The following SMC2 variants were observed in gnomAD, a reference collection of about 807,000 sequenced individuals.
SMC2 encodes structural maintenance of chromosomes 2.
In SMC2, 41 loss-of-function variants were observed where a neutral mutation model predicts 142.6. That is an observed-to-expected ratio of 0.29 (90% CI 0.22 to 0.37). The LOEUF (loss-of-function observed/expected upper bound fraction) is 0.37, where lower values mean the gene tolerates loss of function less well. Ranked by LOEUF, SMC2 falls within the 10% of genes least tolerant of loss-of-function variation. The pLI is 1.00. For synonymous variants in SMC2, 463 were observed against 457.5 expected, an observed-to-expected ratio of 1.01 and a Z score of -0.15; for missense variants, 1,265 against 1,373.7, an observed-to-expected ratio of 0.92 and a Z score of 1.25.
At chr9:104,124,376 C>T (rs1163902093) in intron 17 of SMC2, among the ~76,000 whole-genome samples, 1 of 152,124 alleles carries the variant, frequency 6.6e-6, no homozygotes, top group Non-Finnish European at 1.5e-5. Flanking sequence ...CATGAACTAC[C>T]ACGCCTGACC....
At chr9:104,138,572 A>G (rs918060575) in intron 24 of SMC2, among the ~76,000 whole-genome samples, 3 of 150,366 alleles carry the variant, frequency 2.0e-5, no homozygotes, top group African/African-American at 7.6e-5. Flanking sequence ...TAAAAAGTAG[A>G]ACAAAGAAAG....
At position 104,124,782 on chromosome 9, in the gene SMC2, A is replaced by G. The variant is rs934668569; in HGVS notation, c.2258-130A>G. The stretch of plus-strand genomic sequence containing the variant: ...TGTGTTTCATTATACCATTTCTAGA[A>G]TATCATTGGGATAGTTAATTTTCTT... On this transcript the variant is annotated intron_variant, in intron 17 of 24. Coordinates refer to ENST00000374793, the MANE Select transcript of SMC2 (RefSeq NM_006444.3). 6.4e-6 allele frequency: 4 copies of G among 621,974 alleles called. No individual in the cohort carries two copies. In the African/African-American group the frequency reaches 7.7e-5, roughly 12 times the overall value. 38.5% of individuals were successfully genotyped at this position (621,974 alleles called of 1,614,324 possible).
chr9:104,097,405 C>T (rs991297131), intron 3 of SMC2, among the ~76,000 whole-genome samples: 1 of 113,198 alleles, frequency 8.8e-6, no homozygotes, highest in Non-Finnish European at 1.9e-5. Flanking sequence ...GGCGCCTGGC[C>T]CAAGATTTTG....
intron 17 of SMC2, 62 bp from the exon 18 acceptor site, chr9:104,124,850 A>T: frequency 2.3e-6 from 3 of 1,288,624 alleles, no homozygotes; most frequent in Non-Finnish European, 2.2e-6. Flanking sequence ...TTCTATTAAA[A>T]GTTGAATTTG....
At chr9:104,088,269 T>G in the SMC2 span, among the ~76,000 whole-genome samples, 1 of 152,156 alleles carries the variant, frequency 6.6e-6, no homozygotes, top group Non-Finnish European at 1.5e-5. Flanking sequence ...TTTTTCTTTT[T>G]TAAACTATTC....
At position 104,120,229 on chromosome 9, in the gene SMC2, T is replaced by C. The variant is rs7873786; in HGVS notation, c.2132+67T>C. On this transcript the variant is annotated intron_variant, in intron 16 of 24. Transcript: ENST00000374793. ...GTAGAAAATGATAGAAAATTTACTT[T>C]TATTTCAAGAAATACAGCTTCTGAC... The C allele has an allele frequency of 0.017, 23,362 of 1,394,022 alleles. 1,184 individuals are homozygous for C. In the African/African-American group the frequency reaches 0.18, roughly 11 times the overall value. The allele number at this position is 1,394,022 out of a possible 1,614,324, so 86.4% of individuals were successfully genotyped here.
At chr9:104,134,604 T>TATAATC in intron 23 of SMC2, 29 bp downstream of exon 23, 3 of 1,453,174 alleles carry the variant, frequency 2.1e-6, no homozygotes, top group Non-Finnish European at 1.9e-6. Context: ...ATATTATAAT[T>TATAATC]TTCATTCCTC....
At chr9:104,106,110 G>A (rs1335066653) in intron 9 of SMC2, among the ~76,000 whole-genome samples, 3 of 152,162 alleles carry the variant, frequency 2.0e-5, no homozygotes, top group African/African-American at 7.2e-5. Context: ...ATATCCTTCA[G>A]TGACTTTATG....
intron 4 of SMC2, among the ~76,000 whole-genome samples, chr9:104,098,790 T>C (rs915303540): frequency 6.6e-6 from 1 of 152,084 alleles, no homozygotes; most frequent in Non-Finnish European, 1.5e-5. Flanking sequence ...GAAGTAATTT[T>C]TGTTGACTTT....
At chr9:104,108,561 T>G (rs1161167246) in intron 9 of SMC2, among the ~76,000 whole-genome samples, 3 of 152,208 alleles carry the variant, frequency 2.0e-5, no homozygotes, top group Admixed American at 1.3e-4. Context: ...TCCCGAGCTC[T>G]CTGGCGCTGG....
intron 14 of SMC2, 50 bp downstream of exon 14, chr9:104,116,369 T>TTTTAAGTTAGAAGACATTA: frequency 6.6e-7 from 1 of 1,520,356 alleles, no homozygotes; most frequent in South Asian, 1.3e-5. Flanking sequence ...TCTGTGGTTT[T>TTTTAAGTTAGAAGACATTA]TTTAAGTTAG....
intron 5 of SMC2, 24 bp downstream of exon 5, chr9:104,099,706 T>TA: frequency 7.3e-7 from 1 of 1,373,394 alleles, no homozygotes; most frequent in Non-Finnish European, 1.0e-6. Flanking sequence ...TTATGGACAT[T>TA]AAAAATAGTT....
Position 104,140,432 on chromosome 9 carries a change from A to C in SMC2, c.*1117A>C, listed in dbSNP as rs889244867. On this transcript the variant is annotated 3_prime_UTR_variant, in exon 25 of 25. Coordinates refer to ENST00000374793, the MANE Select transcript of SMC2 (RefSeq NM_006444.3). ...ATCATGAAAGGTCTGACATGATGTA[A>C]TCTGATCTTCCATGTGTTATTTTGG... 6.6e-6 allele frequency: 1 copy of C among 152,090 alleles called. No individual in the cohort carries two copies. Among genetic ancestry groups the C allele is most frequent in the African/African-American group, 2.4e-5 (1 of 41,426 alleles). The allele number at this position is 152,090 out of a possible 1,614,324, so 9.4% of individuals were successfully genotyped here. A position where few individuals can be genotyped will look rare whatever the true frequency, so the allele number is the denominator to read the frequency against.
chr9:104,100,488 T>C, intron 7 of SMC2, 55 bp downstream of exon 7: 1 of 1,163,582 alleles, frequency 8.6e-7, no homozygotes, highest in Non-Finnish European at 1.3e-6. Context: ...AAGTCAGCAA[T>C]GTATCCAAAA....
Position 104,126,677 on chromosome 9 carries a change from A to G in SMC2, c.2488A>G (p.Lys830Glu), listed in dbSNP as rs1432383562. 5 of 1,611,908 alleles carry G rather than the reference A, an allele frequency of 3.1e-6. No homozygotes were observed. In the Admixed American group the frequency reaches 8.4e-5, roughly 27 times the overall value. The change falls in exon 19 of 25, where the codon AAG becomes GAG. Residue 830 changes from lysine to glutamate, a missense_variant. Transcript: ENST00000374793. ...TATCACTCTGGAACTGGAAGAGCTC[A>G]AGAGAGAGCATACATCTTACAAACA... Reference protein sequence around the residue: ...EAITLELEELKREHTSYKQQL... With the variant: ...EAITLELEELEREHTSYKQQL...
rs746145829 is a variant in SMC2, at chr9:104,102,589, G to A, written c.1020+16G>A. Reference sequence around the variant, plus strand: ...TATGGTTGAGGTAAGTGAGCTTAATGTGCCACTAGTGCCACTTGTAGACAA... The same window carrying A: ...TATGGTTGAGGTAAGTGAGCTTAATATGCCACTAGTGCCACTTGTAGACAA... On this transcript the variant is annotated intron_variant, in intron 9 of 24. Transcript: ENST00000374793. 3 of 1,606,994 alleles carry A rather than the reference G, an allele frequency of 1.9e-6. No individual in the cohort carries two copies. The highest frequency in any genetic ancestry group is 2.2e-5 in the South Asian group (2 of 89,914).
rs148257629 is a variant in SMC2 at position 104,114,003 on chromosome 9, T to C, written c.1454T>C (p.Leu485Pro). The C allele has an allele frequency of 4.3e-5, 68 of 1,597,864 alleles. No individual in the cohort carries two copies. Among genetic ancestry groups the C allele is most frequent in the Non-Finnish European group, 5.8e-5 (68 of 1,175,500 alleles). ...EESLLEKRRQ[L>P]SRDIGRLKET... The stretch of plus-strand genomic sequence containing the variant: ...AGCCTTTTGGAAAAGCGCAGGCAGC[T>C]GTCTCGTGATATTGGTAGATTGAAA... The change falls in exon 12 of 25, where the codon CTG becomes CCG. Residue 485 changes from leucine (L) to proline (P), a missense_variant. Leu to Pro is a moderately conservative substitution (Grantham distance 98). Transcript: ENST00000374793.
intron 9 of SMC2, 101 bp downstream of exon 9, chr9:104,102,674 A>G (rs1041852123): frequency 6.4e-6 from 8 of 1,241,396 alleles, no homozygotes; most frequent in Admixed American, 5.8e-5. Flanking sequence ...AGTGTCTTCT[A>G]TAAGCTAAGT....
At chr9:104,100,478 A>G (rs762853272) in intron 7 of SMC2, 45 bp downstream of exon 7, 22 of 1,265,108 alleles carry the variant, frequency 1.7e-5, no homozygotes, top group Middle Eastern at 3.8e-4. Flanking sequence ...ATGTCTTTCA[A>G]AGTCAGCAAT....
Sources: gnomAD v4.1 joint callset for allele counts (sites outside exome capture counted in the v4.1 genomes callset) on GRCh38, gnomAD v4.1.1 for gene constraint, MANE v1.5 for transcripts, NCBI Gene and HGNC (gene_info 2026-07-23, HGNC 2026-07-21) for gene names.